Variants in LRRTM4 observed in about 807,000 individuals in gnomAD.
The protein encoded by LRRTM4 is leucine-rich repeat transmembrane neuronal protein 4.
Under a neutral mutation model 47.6 loss-of-function variants are expected in LRRTM4, and 25 were observed. The observed-to-expected ratio is 0.53, with a 90% confidence interval of 0.38 to 0.73. The LOEUF is 0.73. Ranked by LOEUF, LRRTM4 falls within the 30% of genes least tolerant of loss-of-function variation. The pLI is 0.00. For synonymous variants in LRRTM4, 311 were observed against 269.5 expected, an observed-to-expected ratio of 1.15 and a Z score of -1.51; for missense variants, 638 against 713.4, an observed-to-expected ratio of 0.89 and a Z score of 1.20.
intron 3 of LRRTM4, among the ~76,000 whole-genome samples, chr2:76,823,049 T>C (rs1211841729): frequency 1.3e-5 from 2 of 151,420 alleles, no homozygotes; most frequent in Non-Finnish European, 3.0e-5. Context: ...CAGGTAAAAC[T>C]AGTAACACAG....
chr2:77,219,789 A>T (rs1032020485), intron 3 of LRRTM4, among the ~76,000 whole-genome samples: 1 of 152,190 alleles, frequency 6.6e-6, no homozygotes, highest in Non-Finnish European at 1.5e-5. Context: ...GGCAGGGCAT[A>T]GACAATCAAA....
At chr2:77,411,532 A>G (rs1674431072) in intron 3 of LRRTM4, among the ~76,000 whole-genome samples, 1 of 137,098 alleles carries the variant, frequency 7.3e-6, no homozygotes, top group South Asian at 2.3e-4. Flanking sequence ...GGCTCACTGC[A>G]AGCTCCGCCT....
intron 3 of LRRTM4, among the ~76,000 whole-genome samples, chr2:76,986,483 C>T (rs1228925264): frequency 1.3e-5 from 2 of 151,882 alleles, no homozygotes; most frequent in African/African-American, 4.8e-5. Context: ...GTCTTCTCTT[C>T]TGCAAAGAAA....
At chr2:77,305,997 C>T (rs1677260466) in intron 3 of LRRTM4, among the ~76,000 whole-genome samples, 1 of 152,026 alleles carries the variant, frequency 6.6e-6, no homozygotes, top group Non-Finnish European at 1.5e-5. Flanking sequence ...TAAATTTAAC[C>T]ATGTATTATG....
chr2:77,210,191 A>T (rs1674253072), intron 3 of LRRTM4, among the ~76,000 whole-genome samples: 1 of 152,212 alleles, frequency 6.6e-6, no homozygotes, highest in African/African-American at 2.4e-5. Flanking sequence ...GTTAGCTTGT[A>T]CCTGATCATG....
intron 3 of LRRTM4, among the ~76,000 whole-genome samples, chr2:77,430,401 C>G (rs1675318201): frequency 6.6e-6 from 1 of 152,018 alleles, no homozygotes; most frequent in Non-Finnish European, 1.5e-5. Context: ...TTTTAGGTGG[C>G]ATGTGATGAT....
chr2:77,054,215 C>A (rs1328062247), intron 3 of LRRTM4, among the ~76,000 whole-genome samples: 3 of 152,148 alleles, frequency 2.0e-5, no homozygotes, highest in Admixed American at 6.6e-5. Context: ...AGAGACTGTG[C>A]AAGCTTCTAG....
intron 3 of LRRTM4, among the ~76,000 whole-genome samples, chr2:76,767,092 T>C (rs2104100119): frequency 6.6e-6 from 1 of 152,276 alleles, no homozygotes; most frequent in Middle Eastern, 3.4e-3. Context: ...CACCACCCTT[T>C]GCAGATCCTC....
chr2:77,268,667 A>G (rs1218815106), intron 3 of LRRTM4, among the ~76,000 whole-genome samples: 1 of 152,160 alleles, frequency 6.6e-6, no homozygotes, highest in Non-Finnish European at 1.5e-5. Context: ...GATATACAAT[A>G]GTTGTACTCA....
At chr2:76,874,947 ATTTC>A (rs561888810) in intron 3 of LRRTM4, among the ~76,000 whole-genome samples, 384 of 152,146 alleles carry the variant, frequency 2.5e-3, no homozygotes, top group Non-Finnish European at 4.9e-3. Flanking sequence ...AGTAATTTAA[ATTTC>A]TTTATTTCTT....
chr2:77,333,020 T>C (rs1671027060), intron 3 of LRRTM4, among the ~76,000 whole-genome samples: 2 of 152,312 alleles, frequency 1.3e-5, no homozygotes, highest in Middle Eastern at 3.4e-3. Context: ...TCATGATATC[T>C]GATAGCTTTA....
intron 3 of LRRTM4, among the ~76,000 whole-genome samples, chr2:77,225,137 C>G (rs1371767767): frequency 6.9e-6 from 1 of 145,958 alleles, no homozygotes; most frequent in African/African-American, 2.6e-5. Flanking sequence ...ACCGCATGTT[C>G]TCACTCATAG....
At chr2:77,118,454 C>A (rs1259749213) in intron 3 of LRRTM4, among the ~76,000 whole-genome samples, 2 of 151,880 alleles carry the variant, frequency 1.3e-5, no homozygotes, top group African/African-American at 4.8e-5. Flanking sequence ...TTGACGGGGA[C>A]ACATAGTTTC....
chr2:76,949,115 A>C (rs867760399), intron 3 of LRRTM4, among the ~76,000 whole-genome samples: 1 of 151,676 alleles, frequency 6.6e-6, no homozygotes, highest in Non-Finnish European at 1.5e-5. Flanking sequence ...GCTTTAGCTA[A>C]TAAAAATACA....
At position 77,372,929 on chromosome 2, in the gene LRRTM4, C is replaced by T. The variant is rs77601138; in HGVS notation, c.1551+145389G>A. On this transcript the variant is annotated intron_variant, in intron 3 of 3. Transcript: ENST00000409884. Reference sequence around the variant, plus strand: ...GACACAATTTACTTGCTCACAGAAACAAACTTAATGACTTCTGAATAAAAA... The same window carrying T: ...GACACAATTTACTTGCTCACAGAAATAAACTTAATGACTTCTGAATAAAAA... 2.4e-3 allele frequency among the ~76,000 whole-genome samples: 346 copies of T among 146,182 alleles called. 3 individuals carry two copies. In the East Asian group the frequency reaches 0.058, roughly 25 times the overall value.
At chr2:77,418,126 G>T (rs959794029) in intron 3 of LRRTM4, among the ~76,000 whole-genome samples, 13 of 152,042 alleles carry the variant, frequency 8.6e-5, no homozygotes, top group South Asian at 2.1e-4. Flanking sequence ...ACACAATTGT[G>T]CTATTTCTGT....
chr2:77,145,820 AT>A (rs1468324052), intron 3 of LRRTM4, among the ~76,000 whole-genome samples: 31 of 147,916 alleles, frequency 2.1e-4, no homozygotes, highest in African/African-American at 7.9e-4. Flanking sequence ...AAAAATAAAA[AT>A]TGTATATATG....
intron 3 of LRRTM4, among the ~76,000 whole-genome samples, chr2:77,124,925 A>G (rs751682403): frequency 2.0e-5 from 3 of 152,172 alleles, no homozygotes; most frequent in African/African-American, 4.8e-5. Context: ...ATAAGCATAC[A>G]GAGATGTGTA....
chr2:76,853,535 G>A (rs1183378147), intron 3 of LRRTM4, among the ~76,000 whole-genome samples: 2 of 151,950 alleles, frequency 1.3e-5, no homozygotes, highest in African/African-American at 4.8e-5. Context: ...CTGCTTAGTT[G>A]TGGAAGAATT....
Sources: allele counts gnomAD v4.1 joint callset (sites outside exome capture counted in the v4.1 genomes callset), GRCh38; gene constraint gnomAD v4.1.1; transcripts MANE v1.5; gene names NCBI Gene and HGNC (gene_info 2026-07-23, HGNC 2026-07-21).